Variants in CRIM1 observed in about 807,000 individuals in gnomAD.
The protein encoded by CRIM1 is cysteine-rich motor neuron 1 protein.
In CRIM1, 32 loss-of-function variants were observed where a neutral mutation model predicts 116.4. The ratio of observed to expected loss-of-function variants is 0.27; its 90% CI spans 0.21 to 0.37. CRIM1 has a LOEUF of 0.37. Among genes scored for constraint, CRIM1 ranks in the 10% least tolerant of loss-of-function variants. CRIM1 has a pLI of 1.00. For synonymous variants in CRIM1, 590 were observed against 509.2 expected (o/e 1.16, Z -2.13); for missense variants, 1,331 against 1,354.8 (o/e 0.98, Z 0.28).
At chr2:36,399,969 T>A (rs1195870751) in intron 2 of CRIM1, among the ~76,000 whole-genome samples, 1 of 152,182 alleles carries the variant, frequency 6.6e-6, no homozygotes, top group Non-Finnish European at 1.5e-5. Flanking sequence ...TGGTTATGCC[T>A]TTGAAAAGAG....
At position 36,442,747 on chromosome 2, in the gene CRIM1, A is replaced by C. The variant is rs879300461; in HGVS notation, c.869+12A>C. On this transcript the variant is annotated intron_variant, in intron 4 of 16. Coordinates refer to ENST00000280527, the MANE Select transcript of CRIM1 (RefSeq NM_016441.3). The stretch of plus-strand genomic sequence containing the variant: ...ACTTTGCCAACAAGGTTAGTTTGCC[A>C]TTAGTTTGTCAAGTTTTCTCCTCAT... The C allele has an allele frequency of 5.6e-5, 90 of 1,613,990 alleles. No homozygotes were observed. Among genetic ancestry groups the C allele is most frequent in the Non-Finnish European group, 7.4e-5 (87 of 1,179,990 alleles).
rs955039322 is a variant in CRIM1, at chr2:36,549,849, A to G, written c.*1148A>G. ...GTGCATGTGTATATAATATATATATATACATATATATTTATACACATACAA... is the reference window on the plus strand; with the variant it reads ...GTGCATGTGTATATAATATATATATGTACATATATATTTATACACATACAA... On this transcript the variant is annotated 3_prime_UTR_variant, in exon 17 of 17. Coordinates refer to ENST00000280527, the MANE Select transcript of CRIM1 (RefSeq NM_016441.3). 4.6e-5 allele frequency: 7 copies of G among 151,594 alleles called. No homozygotes were observed. The East Asian group carries it at 7.7e-4, about 17-fold the overall frequency. 9.4% of individuals were successfully genotyped at this position (151,594 alleles called of 1,614,324 possible).
chr2:36,406,330 G>A (rs778530719), intron 2 of CRIM1, among the ~76,000 whole-genome samples: 12 of 152,142 alleles, frequency 7.9e-5, no homozygotes, highest in Admixed American at 3.3e-4. Flanking sequence ...TAAGGGAAAG[G>A]ATTTTGGGGA....
intron 2 of CRIM1, 53 bp downstream of exon 2, chr2:36,396,840 C>G (rs1180392391): frequency 2.8e-6 from 4 of 1,422,080 alleles, no homozygotes; most frequent in Non-Finnish European, 3.9e-6. Flanking sequence ...CATTATGTAA[C>G]CCTGAGTAGT....
In CRIM1 at chr2:36,362,580, A is replaced by G. The variant is rs1572554489; in HGVS notation, c.331+5957A>G. Among the ~76,000 whole-genome samples the G allele has an allele frequency of 2.6e-5, 4 of 152,174 alleles. No individual in the cohort carries two copies. The South Asian group carries it at 8.3e-4, about 32-fold the overall frequency. ...GTAAACTGGGAGGTGTCCCTTTATC[A>G]GCACCTCTCAGCTTCACCCACCCTG... On this transcript the variant is annotated intron_variant, in intron 1 of 16. Coordinates refer to ENST00000280527, the MANE Select transcript of CRIM1 (RefSeq NM_016441.3).
intron 1 of CRIM1, among the ~76,000 whole-genome samples, chr2:36,361,011 A>G (rs1669191318): frequency 6.6e-6 from 1 of 152,150 alleles, no homozygotes; most frequent in Admixed American, 6.6e-5. Context: ...CAACGAAGTA[A>G]ACAAGGAAAT....
intron 4 of CRIM1, among the ~76,000 whole-genome samples, chr2:36,448,880 A>G (rs1030320133): frequency 6.6e-6 from 1 of 152,124 alleles, no homozygotes; most frequent in African/African-American, 2.4e-5. Flanking sequence ...CCAGATTCCC[A>G]AGCTCCCTCC....
chr2:36,466,238 A>C (rs1484459827), intron 5 of CRIM1, among the ~76,000 whole-genome samples: 1 of 152,054 alleles, frequency 6.6e-6, no homozygotes, highest in East Asian at 1.9e-4. Flanking sequence ...ACAGTTCTGG[A>C]CATTGGGGAT....
intron 7 of CRIM1, 134 bp from the exon 8 acceptor site, chr2:36,499,085 A>G: frequency 1.5e-6 from 1 of 682,204 alleles, no homozygotes; most frequent in East Asian, 2.7e-5. Context: ...TTACTGGAGC[A>G]TAAAAGTTTA....
At chr2:36,531,592 A>G (rs1666125278) in intron 13 of CRIM1, among the ~76,000 whole-genome samples, 1 of 152,196 alleles carries the variant, frequency 6.6e-6, no homozygotes, top group Non-Finnish European at 1.5e-5. Flanking sequence ...GCTCAGGAGT[A>G]AAAACAAAGT....
intron 2 of CRIM1, among the ~76,000 whole-genome samples, chr2:36,420,625 T>C (rs1673982965): frequency 6.6e-6 from 1 of 152,168 alleles, no homozygotes; most frequent in South Asian, 2.1e-4. Flanking sequence ...GCCTAACTCT[T>C]TTCAAAAGTT....
intron 1 of CRIM1, among the ~76,000 whole-genome samples, chr2:36,390,445 C>T (rs1029773132): frequency 6.6e-5 from 10 of 152,202 alleles, no homozygotes; most frequent in Non-Finnish European, 1.5e-4. Flanking sequence ...TGCAGCCCTC[C>T]ACACTCCGAA....
intron 1 of CRIM1, among the ~76,000 whole-genome samples, chr2:36,360,309 C>T (rs1006399767): frequency 6.6e-6 from 1 of 152,078 alleles, no homozygotes; most frequent in Non-Finnish European, 1.5e-5. Flanking sequence ...GTCACTGTTC[C>T]GAGGACTCTG....
At chr2:36,471,640 T>G (rs541340928) in intron 5 of CRIM1, among the ~76,000 whole-genome samples, 1 of 152,258 alleles carries the variant, frequency 6.6e-6, no homozygotes, top group South Asian at 2.1e-4. Context: ...TCCAATCTTT[T>G]GGCTTCCCTG....
intron 2 of CRIM1, among the ~76,000 whole-genome samples, chr2:36,416,041 C>G (rs186794331): frequency 9.2e-5 from 14 of 152,232 alleles, no homozygotes; most frequent in African/African-American, 3.1e-4. Context: ...AACCCTGTCT[C>G]TACTAAAAAT....
At chr2:36,445,556 A>G (rs1407168991) in intron 4 of CRIM1, among the ~76,000 whole-genome samples, 2 of 152,220 alleles carry the variant, frequency 1.3e-5, no homozygotes, top group Non-Finnish European at 2.9e-5. Flanking sequence ...GTCTTGTCTT[A>G]TCAGCTATAC....
intron 8 of CRIM1, among the ~76,000 whole-genome samples, chr2:36,507,533 C>T (rs1247870408): frequency 6.6e-6 from 1 of 152,172 alleles, no homozygotes; most frequent in Non-Finnish European, 1.5e-5. Flanking sequence ...CTAGAGCTCC[C>T]TCTATTGGGA....
intron 2 of CRIM1, among the ~76,000 whole-genome samples, chr2:36,421,180 A>C (rs1025413326): frequency 6.6e-6 from 1 of 152,236 alleles, no homozygotes; most frequent in African/African-American, 2.4e-5. Context: ...ATACAGAGAT[A>C]CTTTCCAAAG....
intron 12 of CRIM1, among the ~76,000 whole-genome samples, chr2:36,520,387 A>G (rs1188863319): frequency 2.6e-5 from 4 of 152,264 alleles, no homozygotes; most frequent in Non-Finnish European, 5.9e-5. Context: ...CCTAGTGTGA[A>G]CAAGAGGGTG....
Sources: allele counts gnomAD v4.1 joint callset (sites outside exome capture counted in the v4.1 genomes callset), GRCh38; gene constraint gnomAD v4.1.1; transcripts MANE v1.5; gene names NCBI Gene and HGNC (gene_info 2026-07-23, HGNC 2026-07-21).